PCDHA2: variants seen among roughly 807,000 people sequenced by gnomAD.
PCDHA2 encodes the protein protocadherin alpha 2.
A neutral mutation model predicts 66.0 loss-of-function variants in PCDHA2; 58 were observed. The observed-to-expected ratio is 0.88, with a 90% CI of 0.71 to 1.09. The LOEUF (loss-of-function observed/expected upper bound fraction) is 1.09. Among genes scored for constraint, PCDHA2 ranks in the 50% least tolerant of loss-of-function variants. PCDHA2 has a pLI of 0.00. For missense variants in PCDHA2, 1,267 were observed against 1,242.3 expected (o/e 1.02, Z -0.30); for synonymous variants, 634 against 554.0 (o/e 1.14, Z -2.03).
rs1247587764 is a variant in PCDHA2 at position 140,883,158 on chromosome 5, C to T, written c.2388+85806C>T. ...GTGGTATATGCATTTACCATAAATC[C>T]GAACAATGGAGAAATTAGGACAAAA... On this transcript the variant is annotated intron_variant, in intron 1 of 3. Coordinates refer to ENST00000526136, the MANE Select transcript of PCDHA2 (RefSeq NM_018905.3). The T allele has an allele frequency of 1.9e-6, 3 of 1,613,592 alleles. No individual in the cohort carries two copies. In the African/African-American group the frequency reaches 4.0e-5, roughly 22 times the overall value.
In PCDHA2 at chr5:141,010,099, G is replaced by T; in HGVS notation, c.*162G>T. 5 of 1,612,768 alleles carry T rather than the reference G, an allele frequency of 3.1e-6. No individual in the cohort carries two copies. The highest frequency in any genetic ancestry group is 4.2e-6 in the Non-Finnish European group (5 of 1,179,316). On this transcript the variant is annotated 3_prime_UTR_variant, in exon 4 of 4. Coordinates refer to ENST00000526136, the MANE Select transcript of PCDHA2 (RefSeq NM_018905.3). ...GTGTCTGTCTAGAACGCATTTAACA[G>T]GTTTTGTCGTAAAAGCTTTACTAAG...
At chr5:140,995,924 G>A (rs998405229) in intron 3 of PCDHA2, among the ~76,000 whole-genome samples, 16 of 152,308 alleles carry the variant, frequency 1.1e-4, no homozygotes, top group African/African-American at 3.8e-4. Flanking sequence ...ATAGGCTGTT[G>A]TAAGTATTAA....
intron 3 of PCDHA2, among the ~76,000 whole-genome samples, chr5:140,988,416 A>G (rs1462025901): frequency 6.6e-6 from 1 of 152,118 alleles, no homozygotes; most frequent in Non-Finnish European, 1.5e-5. Flanking sequence ...AGCTTATGTA[A>G]AGAATTTGTT....
chr5:140,966,330 G>A, intron 1 of PCDHA2: 2 of 393,050 alleles, frequency 5.1e-6, no homozygotes, highest in Non-Finnish European at 9.0e-6. Context: ...CTGGGATCCG[G>A]CAGGTCCAGG....
intron 1 of PCDHA2, chr5:140,822,603 A>G: frequency 6.2e-7 from 1 of 1,611,500 alleles, no homozygotes; most frequent in Non-Finnish European, 8.5e-7. Flanking sequence ...ATAAGGAAAT[A>G]GTGTATTTCT....
chr5:140,822,516 T>G, intron 1 of PCDHA2: 1 of 1,613,966 alleles, frequency 6.2e-7, no homozygotes, highest in Non-Finnish European at 8.5e-7. Flanking sequence ...CCATTTATAA[T>G]GTCAGATTGT....
intron 1 of PCDHA2, among the ~76,000 whole-genome samples, chr5:140,905,031 T>G (rs2071545933): frequency 6.6e-6 from 1 of 152,228 alleles, no homozygotes. Flanking sequence ...GCAGAAGCTT[T>G]TTAGTTTAAT....
chr5:140,999,180 GAGA>G (rs1554256675), intron 3 of PCDHA2, among the ~76,000 whole-genome samples: 1 of 152,238 alleles, frequency 6.6e-6, no homozygotes, highest in East Asian at 1.9e-4. Context: ...GCCTGATGGG[GAGA>G]GGGTCCTTGG....
At chr5:140,803,106 C>T (rs781825644) in intron 1 of PCDHA2, 5 of 1,613,860 alleles carry the variant, frequency 3.1e-6, no homozygotes, top group East Asian at 2.2e-5. Flanking sequence ...GACCCGTGCC[C>T]TGGACGAGGT....
intron 1 of PCDHA2, among the ~76,000 whole-genome samples, chr5:140,942,869 T>C (rs971576222): frequency 6.6e-6 from 1 of 152,088 alleles, no homozygotes; most frequent in African/African-American, 2.4e-5. Context: ...TGCTTTAGCA[T>C]GACAACTTTT....
Position 140,887,400 on chromosome 5 carries a change from A to G in PCDHA2, c.2388+90048A>G, listed in dbSNP as rs563892577. Among the ~76,000 whole-genome samples, 411 of 152,184 alleles carry G rather than the reference A, an allele frequency of 2.7e-3. 1 individual carries two copies. The highest frequency in any genetic ancestry group is 4.5e-3 in the Non-Finnish European group (305 of 68,000). On this transcript the variant is annotated intron_variant, in intron 1 of 3. Transcript: ENST00000526136. ...TGTGAGCCACCGCGCCCGGCTCTTT[A>G]TCTCATTTTTATTTTTGAAAAAGTA...
intron 3 of PCDHA2, among the ~76,000 whole-genome samples, chr5:140,998,381 G>A (rs932010146): frequency 4.6e-5 from 7 of 152,144 alleles, no homozygotes; most frequent in Non-Finnish European, 2.9e-5. Flanking sequence ...TCTCTAGAAA[G>A]TTTAATGCCA....
In PCDHA2 at chr5:140,836,671, G is replaced by T. The variant is rs146098956; in HGVS notation, c.2388+39319G>T. Reference sequence around the variant, plus strand: ...CGGCAGAGGGTGTGCTCTGGGGAGGGCCCACCCAAGACAGACCTCATGGCC... The same window carrying T: ...CGGCAGAGGGTGTGCTCTGGGGAGGTCCCACCCAAGACAGACCTCATGGCC... On this transcript the variant is annotated intron_variant, in intron 1 of 3. Transcript: ENST00000526136. 4.3e-6 allele frequency: 7 copies of T among 1,613,400 alleles called. 1 individual carries two copies. The highest frequency in any genetic ancestry group is 5.9e-6 in the Non-Finnish European group (7 of 1,179,594).
At chr5:141,006,704 A>G (rs2098283751) in intron 3 of PCDHA2, among the ~76,000 whole-genome samples, 1 of 152,128 alleles carries the variant, frequency 6.6e-6, no homozygotes, top group Non-Finnish European at 1.5e-5. Context: ...GAGTCAAGAT[A>G]TATTTAGGAG....
chr5:140,852,909 C>T lies in PCDHA2; in HGVS notation c.2388+55557C>T, dbSNP rs2150524759. On this transcript the variant is annotated intron_variant, in intron 1 of 3. Transcript: ENST00000526136. ...TATTTTTTTTTTTGAGTCAGAGTCTCGCTCTGTTGCCCAGGCTGGAGTGCA... is the reference window on the plus strand; with the variant it reads ...TATTTTTTTTTTTGAGTCAGAGTCTTGCTCTGTTGCCCAGGCTGGAGTGCA... The T allele has an allele frequency of 5.3e-4, 419 of 797,890 alleles. 9 individuals carry two copies. The South Asian group carries it at 0.02, about 38-fold the overall frequency. The allele number at this position is 797,890 out of a possible 1,614,324, so 49.4% of individuals were successfully genotyped here.
intron 1 of PCDHA2, chr5:140,843,461 A>C (rs1476836171): frequency 1.3e-6 from 2 of 1,595,756 alleles, no homozygotes; most frequent in African/African-American, 2.7e-5. Flanking sequence ...GCTGGTGCTC[A>C]CGCTGCTGCT....
Position 140,796,351 on chromosome 5 carries a change from T to G in PCDHA2, c.1387T>G (p.Phe463Val). ...GTTCGCACAGCCTGAGTACACAGTA[T>G]TCGTGAAGGAGAACAACCCGCCGGG... ...PAFAQPEYTV[F>V]VKENNPPGCH... The change falls in exon 1 of 4, where the codon TTC becomes GTC. Residue 463 changes from phenylalanine to valine, a missense_variant. Coordinates refer to ENST00000526136, the MANE Select transcript of PCDHA2 (RefSeq NM_018905.3). 6.2e-7 allele frequency: 1 copy of G among 1,611,198 alleles called. No homozygotes were observed. The highest frequency in any genetic ancestry group is 8.5e-7 in the Non-Finnish European group (1 of 1,179,224).
In PCDHA2 at chr5:140,843,250, G is replaced by C; in HGVS notation, c.2388+45898G>C. The stretch of plus-strand genomic sequence containing the variant: ...GTGTCCTGGACGAAGCGGACTCTCC[G>C]CGCCACCGTCTGCTGGTCCTGGTGA... On this transcript the variant is annotated intron_variant, in intron 1 of 3. Transcript: ENST00000526136. 14 of 1,596,012 alleles carry C rather than the reference G, an allele frequency of 8.8e-6. 3 individuals carry two copies. Among genetic ancestry groups the C allele is most frequent in the Non-Finnish European group, 1.1e-5 (13 of 1,165,570 alleles).
At chr5:140,897,833 C>T (rs1366388258) in intron 1 of PCDHA2, among the ~76,000 whole-genome samples, 14 of 152,138 alleles carry the variant, frequency 9.2e-5, no homozygotes, top group African/African-American at 3.4e-4. Flanking sequence ...TATTTCTCCA[C>T]ATCCTCTCCA....
Sources: gnomAD v4.1 joint callset for allele counts (sites outside exome capture counted in the v4.1 genomes callset) on GRCh38, gnomAD v4.1.1 for gene constraint, MANE v1.5 for transcripts, NCBI Gene and HGNC (gene_info 2026-07-23, HGNC 2026-07-21) for gene names.